Variants in AUTS2 observed in about 807,000 individuals in gnomAD.
AUTS2 encodes activator of transcription and developmental regulator AUTS2.
A neutral mutation model predicts 112.4 loss-of-function variants in AUTS2; 17 were observed. The observed-to-expected ratio is 0.15, with a 90% CI of 0.10 to 0.23. AUTS2 has a LOEUF of 0.23. Among genes scored for constraint, AUTS2 ranks in the 10% least tolerant of loss-of-function variants. The probability of loss-of-function intolerance (pLI) is 1.00; values close to 1 mark genes in which losing one functional copy is unlikely to be tolerated. For synonymous variants in AUTS2, 751 were observed against 702.7 expected (o/e 1.07, Z -1.09); for missense variants, 1,510 against 1,701.6 (o/e 0.89, Z 1.98).
intron 5 of AUTS2, among the ~76,000 whole-genome samples, chr7:70,657,632 G>T (rs1005085126): frequency 2.6e-5 from 4 of 152,180 alleles, no homozygotes; most frequent in Non-Finnish European, 1.5e-5. Flanking sequence ...ATATTACTGA[G>T]CATCTAATTT....
At chr7:69,968,415 T>C (rs1299095146) in intron 2 of AUTS2, among the ~76,000 whole-genome samples, 1 of 152,210 alleles carries the variant, frequency 6.6e-6, no homozygotes, top group Non-Finnish European at 1.5e-5. Context: ...TTCTGGACTT[T>C]TAGGGGAAAA....
intron 2 of AUTS2, among the ~76,000 whole-genome samples, chr7:69,974,059 C>T (rs34617709): frequency 0.36 from 54,553 of 151,444 alleles, 10,368 homozygotes; most frequent in African/African-American, 0.48. Context: ...GGTCTGGAAA[C>T]GTCTTTTTTA....
At chr7:70,528,970 A>T (rs12698908) in intron 5 of AUTS2, among the ~76,000 whole-genome samples, 12,484 of 152,144 alleles carry the variant, frequency 0.082, 603 homozygotes, top group African/African-American at 0.12. Flanking sequence ...GAAAGAGTAA[A>T]CTCATTCATA....
chr7:70,724,506 C>T (rs528045519), intron 6 of AUTS2, among the ~76,000 whole-genome samples: 8 of 132,864 alleles, frequency 6.0e-5, no homozygotes, highest in East Asian at 2.7e-4. Context: ...AGTGCATTGG[C>T]GTGATCTTGG....
chr7:70,007,151 T>C (rs931462233), intron 2 of AUTS2, among the ~76,000 whole-genome samples: 2 of 152,206 alleles, frequency 1.3e-5, no homozygotes, highest in African/African-American at 2.4e-5. Context: ...GCCGTATGCA[T>C]AGGAAAGATA....
intron 4 of AUTS2, among the ~76,000 whole-genome samples, chr7:70,280,211 C>G (rs1009195079): frequency 1.3e-5 from 2 of 152,062 alleles, no homozygotes; most frequent in African/African-American, 4.8e-5. Flanking sequence ...CTCCTCTACT[C>G]TCTTCATGAG....
intron 5 of AUTS2, among the ~76,000 whole-genome samples, chr7:70,589,042 G>A (rs141946933): frequency 1.4e-3 from 213 of 152,280 alleles, no homozygotes; most frequent in Non-Finnish European, 2.5e-3. Flanking sequence ...ACATTTGTTG[G>A]ATACCCCATG....
At chr7:70,612,877 G>C (rs1011886730) in intron 5 of AUTS2, among the ~76,000 whole-genome samples, 1 of 151,914 alleles carries the variant, frequency 6.6e-6, no homozygotes. Context: ...CTGCCCTGGT[G>C]GTGGATCATT....
At chr7:69,671,485 TG>T (rs375917390) in intron 1 of AUTS2, among the ~76,000 whole-genome samples, 6,078 of 81,418 alleles carry the variant, frequency 0.075, 161 homozygotes, top group East Asian at 0.18. Flanking sequence ...CTGCTGCTGC[TG>T]GTGTGTGTGT....
At chr7:70,345,872 C>T (rs962360841) in intron 4 of AUTS2, among the ~76,000 whole-genome samples, 1 of 152,182 alleles carries the variant, frequency 6.6e-6, no homozygotes, top group East Asian at 1.9e-4. Context: ...TGGTCAGATG[C>T]TCTGCCATTA....
chr7:70,424,365 T>C (rs1024415118), intron 4 of AUTS2, among the ~76,000 whole-genome samples: 3 of 152,130 alleles, frequency 2.0e-5, no homozygotes, highest in Non-Finnish European at 4.4e-5. Context: ...ATCAGGAAAA[T>C]ATTTTGAAGT....
intron 5 of AUTS2, among the ~76,000 whole-genome samples, chr7:70,463,099 A>C (rs570348480): frequency 1.3e-3 from 156 of 116,388 alleles, no homozygotes; most frequent in African/African-American, 4.7e-3. Flanking sequence ...GTGAGTCTCC[A>C]GATGAAAGGT....
chr7:69,867,092 C>T (rs1793269958), intron 1 of AUTS2, among the ~76,000 whole-genome samples: 1 of 152,098 alleles, frequency 6.6e-6, no homozygotes, highest in Admixed American at 6.5e-5. Context: ...TGGTGTGTCT[C>T]GTAAAGAGGA....
intron 6 of AUTS2, among the ~76,000 whole-genome samples, chr7:70,750,523 C>CCACCTCCCAGGCTCAGGTGTTCCT (rs1788750550): frequency 6.6e-6 from 1 of 151,678 alleles, no homozygotes; most frequent in South Asian, 2.1e-4. Flanking sequence ...ACCTCAGCCT[C>CCACCTCCCAGGCTCAGGTGTTCCT]CTGAGTAGCT....
chr7:69,759,003 T>C (rs1440958036), intron 1 of AUTS2, among the ~76,000 whole-genome samples: 1 of 152,222 alleles, frequency 6.6e-6, no homozygotes, highest in Non-Finnish European at 1.5e-5. Flanking sequence ...ATAATAATTA[T>C]GATGGCAGGA....
chr7:70,604,087 C>A (rs557345085), intron 5 of AUTS2, among the ~76,000 whole-genome samples: 212 of 152,348 alleles, frequency 1.4e-3, no homozygotes, highest in Middle Eastern at 0.014. Flanking sequence ...CTCACCAAAC[C>A]ACTCAATAAA....
chr7:70,333,248 T>C (rs10280135), intron 4 of AUTS2, among the ~76,000 whole-genome samples: 44,558 of 152,042 alleles, frequency 0.29, 6,850 homozygotes, highest in African/African-American at 0.38. Flanking sequence ...AAATCAAAAC[T>C]GCAATGAGAT....
At chr7:70,382,744 C>A (rs1303948503) in intron 4 of AUTS2, among the ~76,000 whole-genome samples, 5 of 152,186 alleles carry the variant, frequency 3.3e-5, no homozygotes. Flanking sequence ...ACTCCTTTCT[C>A]ATTCTGATCA....
intron 4 of AUTS2, among the ~76,000 whole-genome samples, chr7:70,236,583 C>T (rs1224860622): frequency 6.6e-6 from 1 of 152,172 alleles, no homozygotes; most frequent in African/African-American, 2.4e-5. Flanking sequence ...AAATGGATCT[C>T]AGACTATTTC....
Sources: gnomAD v4.1 joint callset for allele counts (sites outside exome capture counted in the v4.1 genomes callset) on GRCh38, gnomAD v4.1.1 for gene constraint, MANE v1.5 for transcripts, NCBI Gene and HGNC (gene_info 2026-07-23, HGNC 2026-07-21) for gene names.